Variants in DAB1 observed in about 807,000 individuals in gnomAD.
The protein encoded by DAB1 is disabled homolog 1.
Under a neutral mutation model 64.6 loss-of-function variants are expected in DAB1, and 15 were observed. The ratio of observed to expected loss-of-function variants is 0.23; its 90% confidence interval spans 0.16 to 0.36. DAB1 has a LOEUF of 0.36. DAB1 is among the 10% of genes least tolerant of loss of function. DAB1 has a pLI of 1.00. For synonymous variants in DAB1, 235 were observed against 251.9 expected, an observed-to-expected ratio of 0.93 and a Z score of 0.64; for missense variants, 596 against 706.7, an observed-to-expected ratio of 0.84 and a Z score of 1.78.
At chr1:58,134,573 T>C (rs1431856931) in intron 5 of DAB1, among the ~76,000 whole-genome samples, 2 of 152,154 alleles carry the variant, frequency 1.3e-5, no homozygotes, top group African/African-American at 4.8e-5. Flanking sequence ...GGCGTCTTCT[T>C]CTGGGGAGGC....
intron 2 of DAB1, chr1:58,527,113 T>C: frequency 1.7e-6 from 1 of 584,826 alleles, no homozygotes; most frequent in Non-Finnish European, 3.1e-6. Flanking sequence ...TCCATAATCT[T>C]CAAATTTCTA....
chr1:57,311,791 T>C (rs1215709035), intron 1 of DAB1, among the ~76,000 whole-genome samples: 2 of 152,186 alleles, frequency 1.3e-5, no homozygotes, highest in African/African-American at 4.8e-5. Context: ...ATATTGACTG[T>C]GTTTGTGTTA....
chr1:57,031,055 T>A (rs149958868), intron 9 of DAB1, among the ~76,000 whole-genome samples: 4 of 152,350 alleles, frequency 2.6e-5, no homozygotes, highest in Non-Finnish European at 4.4e-5. Flanking sequence ...TAAGCACAAC[T>A]TTTAAAATAA....
intron 5 of DAB1, among the ~76,000 whole-genome samples, chr1:57,983,785 A>T (rs993681132): frequency 5.9e-5 from 9 of 152,180 alleles, no homozygotes; most frequent in Non-Finnish European, 1.3e-4. Context: ...TTCTTTCATA[A>T]TCACCACAAA....
At chr1:57,398,763 C>T (rs1683013475) in intron 1 of DAB1, among the ~76,000 whole-genome samples, 3 of 152,256 alleles carry the variant, frequency 2.0e-5, no homozygotes, top group African/African-American at 7.2e-5. Context: ...TTGCCACTGT[C>T]TGAAGGCTGG....
chr1:57,171,583 T>A (rs1428686191), intron 2 of DAB1, among the ~76,000 whole-genome samples: 2 of 152,166 alleles, frequency 1.3e-5, no homozygotes, highest in African/African-American at 4.8e-5. Context: ...CATGAGGCAG[T>A]TCTTACTGTC....
At chr1:57,023,735 G>A in intron 10 of DAB1, 96 bp from the exon 11 acceptor site, 1 of 768,514 alleles carries the variant, frequency 1.3e-6, no homozygotes, top group South Asian at 1.5e-5. Context: ...CGCAGGGGAA[G>A]GGGTCCACAG....
intron 6 of DAB1, among the ~76,000 whole-genome samples, chr1:57,785,002 C>G: frequency 6.6e-6 from 1 of 152,252 alleles, no homozygotes; most frequent in South Asian, 2.1e-4. Flanking sequence ...TTGAGGCTAA[C>G]GTAGCTGGAG....
chr1:57,608,394 AAGAGAGAG>A (rs565399713), intron 7 of DAB1, among the ~76,000 whole-genome samples: 48 of 150,768 alleles, frequency 3.2e-4, no homozygotes, highest in African/African-American at 1.1e-3. Context: ...ATATTAAAAA[AAGAGAGAG>A]AGAGAGAGAG....
chr1:57,171,557 C>CT (rs1480945406), intron 2 of DAB1, among the ~76,000 whole-genome samples: 1 of 152,124 alleles, frequency 6.6e-6, no homozygotes, highest in East Asian at 1.9e-4. Flanking sequence ...TCTGCTGTTC[C>CT]TTTTTGGGTT....
rs968139641 is a variant in DAB1, at chr1:57,137,488, C to T, written c.208-847G>A. Among the ~76,000 whole-genome samples, 7 of 152,082 alleles carry T rather than the reference C, an allele frequency of 4.6e-5. No individual in the cohort carries two copies. The South Asian group carries it at 6.2e-4, about 14-fold the overall frequency. On this transcript the variant is annotated intron_variant, in intron 3 of 14. Coordinates refer to ENST00000371236, the MANE Select transcript of DAB1 (RefSeq NM_001365792.1). ...AGTTAAGAGTAAAGACACTTGCTTT[C>T]GAAATTAGATTCTGTGTTGGCCAGT...
chr1:57,639,608 G>GCTTCT (rs1646103614), intron 7 of DAB1, among the ~76,000 whole-genome samples: 1 of 152,116 alleles, frequency 6.6e-6, no homozygotes, highest in African/African-American at 2.4e-5. Context: ...AGAAAATAAT[G>GCTTCT]TGTCCATGAA....
intron 4 of DAB1, among the ~76,000 whole-genome samples, chr1:58,315,277 T>C (rs1662532928): frequency 1.3e-5 from 2 of 152,174 alleles, no homozygotes; most frequent in African/African-American, 4.8e-5. Context: ...CATGTATTAA[T>C]CTTTGGCTGA....
intron 7 of DAB1, among the ~76,000 whole-genome samples, chr1:57,616,449 C>T (rs1026429215): frequency 3.3e-5 from 5 of 152,102 alleles, no homozygotes; most frequent in African/African-American, 1.2e-4. Context: ...GTTTTGCTCA[C>T]CTGGTTTCTC....
At chr1:57,537,151 C>T (rs1374065791) in intron 7 of DAB1, among the ~76,000 whole-genome samples, 3 of 152,164 alleles carry the variant, frequency 2.0e-5, no homozygotes, top group Non-Finnish European at 4.4e-5. Context: ...TTTCTTTTTA[C>T]TTTTTAAATG....
chr1:58,302,727 T>C (rs985057293), intron 4 of DAB1, among the ~76,000 whole-genome samples: 2 of 152,214 alleles, frequency 1.3e-5, no homozygotes, highest in Non-Finnish European at 2.9e-5. Context: ...ATAGGGCTGC[T>C]GCATTTATTA....
intron 5 of DAB1, among the ~76,000 whole-genome samples, chr1:57,944,542 G>T (rs528588007): frequency 1.3e-5 from 2 of 152,226 alleles, no homozygotes; most frequent in East Asian, 3.9e-4. Context: ...TGCTCTTTGG[G>T]ATTTCTTAAG....
chr1:57,281,336 G>T (rs573903439), intron 2 of DAB1, among the ~76,000 whole-genome samples: 1 of 152,272 alleles, frequency 6.6e-6, no homozygotes, highest in Admixed American at 6.5e-5. Context: ...AGCATTTCTG[G>T]AGAAAAGTAA....
At chr1:58,108,996 A>G (rs2788712) in intron 5 of DAB1, among the ~76,000 whole-genome samples, 34,137 of 152,122 alleles carry the variant, frequency 0.22, 4,765 homozygotes, top group East Asian at 0.5. Context: ...GGCATTGGAA[A>G]GTACCTGAAA....
Sources: gnomAD v4.1 joint callset for allele counts (sites outside exome capture counted in the v4.1 genomes callset) on GRCh38, gnomAD v4.1.1 for gene constraint, MANE v1.5 for transcripts, NCBI Gene and HGNC (gene_info 2026-07-23, HGNC 2026-07-21) for gene names.